The following XCR1 variants were observed in gnomAD, a reference collection of about 807,000 sequenced individuals.
The protein encoded by XCR1 is chemokine XC receptor 1.
For missense variants in XCR1, 356 were observed against 424.2 expected (o/e 0.84, Z 1.41); for synonymous variants, 187 against 188.5 (o/e 0.99, Z 0.06).
At chr3:46,055,731 A>G (rs1697839035) in intron 4 of XCR1, among the ~76,000 whole-genome samples, 1 of 152,170 alleles carries the variant, frequency 6.6e-6, no homozygotes, top group Non-Finnish European at 1.5e-5. Context: ...GGAGACCTGG[A>G]TTCCGTAATT....
rs143299956 is a variant in XCR1, at chr3:46,035,683, G to A, written c.-31-13705C>T. On this transcript the variant is annotated intron_variant, in intron 5 of 5. Coordinates refer to the XCR1 transcript ENST00000683768. Reference sequence around the variant, plus strand: ...CTTTGAAATTTGACATCTGCATCCCGATAGGTGAGTGTCCTTTGTGGGCCC... The same window carrying A: ...CTTTGAAATTTGACATCTGCATCCCAATAGGTGAGTGTCCTTTGTGGGCCC... Among the ~76,000 whole-genome samples, 863 of 152,330 alleles carry A rather than the reference G, an allele frequency of 5.7e-3. 6 individuals are homozygous for A. Among genetic ancestry groups the A allele is most frequent in the Non-Finnish European group, 8.9e-3 (605 of 68,028 alleles).
At chr3:46,078,782 A>G (rs1361049467) in intron 1 of XCR1, among the ~76,000 whole-genome samples, 5 of 151,870 alleles carry the variant, frequency 3.3e-5, no homozygotes, top group Non-Finnish European at 4.4e-5. Context: ...ACTTTGACCA[A>G]TTGGAGTGCT....
chr3:46,023,870 T>G, intron 1 of XCR1: 5 of 1,527,684 alleles, frequency 3.3e-6, no homozygotes, highest in Non-Finnish European at 4.5e-6. Flanking sequence ...AATGAAAGAT[T>G]AAGGAAAGAA....
chr3:46,080,022 A>G (rs768607806), intron 1 of XCR1, among the ~76,000 whole-genome samples: 16 of 152,244 alleles, frequency 1.1e-4, no homozygotes, highest in Admixed American at 3.3e-4. Context: ...TAATTCAACA[A>G]TATACTCAAA....
chr3:46,023,090 A>T (rs1708190053), intron 1 of XCR1, among the ~76,000 whole-genome samples: 1 of 152,224 alleles, frequency 6.6e-6, no homozygotes, highest in African/African-American at 2.4e-5. Context: ...ATAATTTTAA[A>T]AACACCAGCG....
At chr3:46,061,115 T>C (rs149259829) in intron 4 of XCR1, among the ~76,000 whole-genome samples, 28 of 152,356 alleles carry the variant, frequency 1.8e-4, no homozygotes, top group African/African-American at 5.8e-4. Context: ...AAATCCTTTT[T>C]GGTGGGGGGA....
intron 3 of XCR1, among the ~76,000 whole-genome samples, chr3:46,067,202 T>C (rs930093342): frequency 1.3e-5 from 2 of 152,146 alleles, no homozygotes; most frequent in Admixed American, 6.5e-5. Context: ...GTAAGTTCTA[T>C]GTGAGGGGCA....
chr3:46,076,151 A>G (rs890942861), intron 2 of XCR1, among the ~76,000 whole-genome samples: 13 of 152,236 alleles, frequency 8.5e-5, no homozygotes, highest in Admixed American at 2.6e-4. Context: ...AGCAGCTAAG[A>G]TTAAGAACCA....
At chr3:46,036,470 C>T (rs1054482777) in intron 5 of XCR1, among the ~76,000 whole-genome samples, 1 of 152,168 alleles carries the variant, frequency 6.6e-6, no homozygotes, top group Admixed American at 6.5e-5. Flanking sequence ...TTTTGTCTAA[C>T]AAATTGGCTT....
In XCR1 at chr3:46,018,509, T is replaced by A. The variant is rs1708083459; in HGVS notation, c.*2437A>T. On this transcript the variant is annotated 3_prime_UTR_variant, in exon 2 of 2. Coordinates refer to ENST00000309285, the MANE Select transcript of XCR1 (RefSeq NM_001024644.2). ...CTTAGCTCTGATACCACAAACTACC[T>A]CATTATCTCTTCCTTATGCTGTTTC... 1 of 152,218 alleles carries A rather than the reference T, an allele frequency of 6.6e-6. No homozygotes were observed. The highest frequency in any genetic ancestry group is 1.5e-5 in the Non-Finnish European group (1 of 68,062). 9.4% of individuals were successfully genotyped at this position (152,218 alleles called of 1,614,324 possible). A position where few individuals can be genotyped will look rare whatever the true frequency, so the allele number is the denominator to read the frequency against.
chr3:46,054,188 C>T (rs1461119598), intron 4 of XCR1, among the ~76,000 whole-genome samples: 1 of 152,114 alleles, frequency 6.6e-6, no homozygotes, highest in African/African-American at 2.4e-5. Flanking sequence ...TTACACAGCC[C>T]TCCATATTTA....
chr3:46,080,363 A>G (rs528714760), intron 1 of XCR1, among the ~76,000 whole-genome samples: 1 of 152,300 alleles, frequency 6.6e-6, no homozygotes, highest in South Asian at 2.1e-4. Context: ...GTTACATCAG[A>G]CAATAGATAC....
At position 46,021,193 on chromosome 3, in the gene XCR1, C is replaced by G. The variant is rs745583108; in HGVS notation, c.755G>C (p.Arg252Pro). The G allele has an allele frequency of 1.2e-6, 2 of 1,614,022 alleles. No homozygotes were observed. The highest frequency in any genetic ancestry group is 1.3e-5 in the African/African-American group (1 of 74,900). The change falls in exon 2 of 2, where the codon CGG (arginine) becomes CCG (proline). Residue 252 changes from arginine (R) to proline (P), a missense_variant. By Grantham distance (103) the Arg-to-Pro change is moderately radical. Transcript: ENST00000309285. The surrounding 1 kb of genome is among the most constrained non-coding windows in gnomAD (Gnocchi z 4.7). ...CTCGCAGCTCCGGATGATCTGGGTC[C>G]GAAACAGCGTCTGCAGAAACAGGGT... ...NFTLFLQTLFRTQIIRSCEAK... is the reference protein window; with the variant it reads ...NFTLFLQTLFPTQIIRSCEAK...
At chr3:46,028,964 AG>A (rs1383545099), upstream of XCR1, among the ~76,000 whole-genome samples, 1 of 152,212 alleles carries the variant, frequency 6.6e-6, no homozygotes, top group African/African-American at 2.4e-5. Context: ...GTTGTAGTTA[AG>A]AAATCCTTGC....
At chr3:46,053,949 TC>T (rs35680675) in exon 5 of XCR1, among the ~76,000 whole-genome samples, 52,209 of 151,670 alleles carry the variant, frequency 0.34, 10,495 homozygotes, top group East Asian at 0.65. Context: ...GGCAGACTCA[TC>T]CCGGGCTCCC....
chr3:46,044,581 A>C (rs1697591324), intron 5 of XCR1, among the ~76,000 whole-genome samples: 1 of 152,210 alleles, frequency 6.6e-6, no homozygotes, highest in South Asian at 2.1e-4. Flanking sequence ...TAGTTCTTTG[A>C]AACAAATCAA....
intron 1 of XCR1, among the ~76,000 whole-genome samples, chr3:46,084,993 G>A (rs1698447199): frequency 6.6e-6 from 1 of 152,032 alleles, no homozygotes; most frequent in Non-Finnish European, 1.5e-5. Context: ...ACAAAAGCTG[G>A]ATGGAGTACT....
At chr3:46,042,594 G>A (rs1490090767) in intron 5 of XCR1, among the ~76,000 whole-genome samples, 1 of 152,166 alleles carries the variant, frequency 6.6e-6, no homozygotes, top group South Asian at 2.1e-4. Flanking sequence ...CGATTCTTAA[G>A]AAGATGCAAT....
intron 5 of XCR1, among the ~76,000 whole-genome samples, chr3:46,048,347 A>C (rs1024397225): frequency 4.6e-5 from 7 of 152,218 alleles, no homozygotes; most frequent in Admixed American, 1.3e-4. Flanking sequence ...ATTATGGCTA[A>C]CATGGCCAAG....
Sources: gnomAD v4.1 joint callset for allele counts (sites outside exome capture counted in the v4.1 genomes callset) on GRCh38, gnomAD v4.1.1 for gene constraint, Gnocchi (gnomAD v3.1) non-coding constraint, MANE v1.5 for transcripts, NCBI Gene and HGNC (gene_info 2026-07-23, HGNC 2026-07-21) for gene names.